The following GNAQ variants were observed in gnomAD, a reference collection of about 807,000 sequenced individuals.
The protein encoded by GNAQ is G protein subunit alpha q.
GNAQ carries 8 observed loss-of-function variants against 43.9 expected under a neutral mutation model. That is an observed-to-expected ratio of 0.18 (90% confidence interval 0.11 to 0.33). The LOEUF is 0.33. Among genes scored for constraint, GNAQ ranks in the 10% least tolerant of loss-of-function variants. The pLI, the probability that GNAQ is intolerant of heterozygous loss-of-function variation, is 1.00. For synonymous variants in GNAQ, 155 were observed against 170.7 expected (o/e 0.91, Z 0.71); for missense variants, 158 against 450.8 (o/e 0.35, Z 5.88).
At chr9:77,910,069 G>A (rs1210398709) in intron 2 of GNAQ, among the ~76,000 whole-genome samples, 3 of 152,080 alleles carry the variant, frequency 2.0e-5, no homozygotes, top group Non-Finnish European at 2.9e-5. Flanking sequence ...ATATAATAAA[G>A]AATAAGACTA....
At chr9:77,899,437 C>CTG (rs927449353) in intron 2 of GNAQ, among the ~76,000 whole-genome samples, 2 of 151,072 alleles carry the variant, frequency 1.3e-5, no homozygotes, top group African/African-American at 4.9e-5. Context: ...GTGTGTGTGT[C>CTG]TGTGTGTGTG....
intron 1 of GNAQ, among the ~76,000 whole-genome samples, chr9:78,002,968 C>A (rs751520848): frequency 6.6e-6 from 1 of 151,966 alleles, no homozygotes; most frequent in Non-Finnish European, 1.5e-5. Context: ...GTAGTTATTT[C>A]ATATTAAAAA....
At chr9:77,791,364 G>A (rs1826569089) in intron 5 of GNAQ, among the ~76,000 whole-genome samples, 1 of 152,206 alleles carries the variant, frequency 6.6e-6, no homozygotes, top group Non-Finnish European at 1.5e-5. Flanking sequence ...CTTATTGTGT[G>A]CTTTGGGCTT....
intron 2 of GNAQ, among the ~76,000 whole-genome samples, chr9:77,827,850 C>G (rs1416447578): frequency 6.6e-6 from 1 of 151,636 alleles, no homozygotes; most frequent in African/African-American, 2.4e-5. Context: ...AGAAATTCAT[C>G]TCTTTTAACC....
chr9:78,016,223 TATAG>T (rs1354475584), intron 1 of GNAQ, among the ~76,000 whole-genome samples: 1 of 152,188 alleles, frequency 6.6e-6, no homozygotes, highest in East Asian at 1.9e-4. Context: ...AAGCAATTCT[TATAG>T]ATAAACTGGA....
At chr9:77,931,155 T>C (rs1189496225) in intron 1 of GNAQ, among the ~76,000 whole-genome samples, 3 of 148,096 alleles carry the variant, frequency 2.0e-5, no homozygotes, top group Admixed American at 6.7e-5. Flanking sequence ...ATGAATGTCA[T>C]TGAGATGCTT....
At chr9:77,917,580 T>A (rs1467806418) in intron 2 of GNAQ, among the ~76,000 whole-genome samples, 2 of 152,190 alleles carry the variant, frequency 1.3e-5, no homozygotes, top group Admixed American at 6.6e-5. Context: ...AAATTCTTTC[T>A]TTTGTAAACT....
At chr9:77,965,851 A>AAAAG (rs1823160083) in intron 1 of GNAQ, among the ~76,000 whole-genome samples, 1 of 151,066 alleles carries the variant, frequency 6.6e-6, no homozygotes. Context: ...AAAAAAAAAA[A>AAAAG]AAAGGCACGT....
At chr9:77,811,665 T>C (rs1370227811) in intron 3 of GNAQ, among the ~76,000 whole-genome samples, 1 of 152,124 alleles carries the variant, frequency 6.6e-6, no homozygotes, top group Non-Finnish European at 1.5e-5. Context: ...CCTATTTCTG[T>C]TGAGAGGTTT....
At chr9:77,937,318 A>T (rs1051158627) in intron 1 of GNAQ, among the ~76,000 whole-genome samples, 6 of 152,004 alleles carry the variant, frequency 3.9e-5, no homozygotes, top group African/African-American at 1.4e-4. Context: ...CATGTCTGTA[A>T]TCCCAGCTAC....
chr9:77,984,049 CAAAAAAAAA>C (rs72279886), intron 1 of GNAQ, among the ~76,000 whole-genome samples: 46 of 67,964 alleles, frequency 6.8e-4, no homozygotes, highest in Admixed American at 1.3e-3. Context: ...TTTTGGAGAG[CAAAAAAAAA>C]AAAAAAAAAA....
intron 2 of GNAQ, among the ~76,000 whole-genome samples, chr9:77,910,842 G>A (rs766168066): frequency 2.2e-4 from 33 of 152,136 alleles, no homozygotes; most frequent in Non-Finnish European, 4.1e-4. Flanking sequence ...CTGGAATTCA[G>A]AGACATTAAT....
At chr9:77,911,668 C>T (rs1206119202) in intron 2 of GNAQ, among the ~76,000 whole-genome samples, 1 of 152,130 alleles carries the variant, frequency 6.6e-6, no homozygotes, top group Non-Finnish European at 1.5e-5. Context: ...AGATAAGAAA[C>T]TCGAAGGGAT....
At chr9:77,804,603 C>T (rs1262463516) in intron 3 of GNAQ, among the ~76,000 whole-genome samples, 1 of 152,168 alleles carries the variant, frequency 6.6e-6, no homozygotes, top group Non-Finnish European at 1.5e-5. Flanking sequence ...TAAGTAGGAA[C>T]AGAAATCTCT....
chr9:77,808,833 C>T (rs901585007), intron 3 of GNAQ, among the ~76,000 whole-genome samples: 5 of 151,870 alleles, frequency 3.3e-5, no homozygotes, highest in African/African-American at 1.2e-4. Context: ...ACGGTCTTAT[C>T]TGCCTTCAAA....
intron 1 of GNAQ, among the ~76,000 whole-genome samples, chr9:78,005,208 G>C (rs1386966227): frequency 6.6e-6 from 1 of 152,080 alleles, no homozygotes; most frequent in Non-Finnish European, 1.5e-5. Context: ...ACCACACCCA[G>C]CTAATTTTTG....
chr9:77,721,359 G>A lies in GNAQ; in HGVS notation c.1044C>T (p.Ile348=), dbSNP rs775004834. ...RFVFAAVKDT[I]LQLNLKEYNL... is the part of the protein sequence containing the mutation. ...TGTACTCCTTCAGGTTCAACTGGAG[G>A]ATGGTGTCCTTGACGGCAGCAAAGA... is the stretch of plus-strand genomic sequence containing the variant. The change falls in exon 7 of 7, where the codon ATC becomes ATT. Residue 348 remains isoleucine (I), a synonymous_variant. Transcript: ENST00000286548. 1 of 1,612,634 alleles carries A rather than the reference G, an allele frequency of 6.2e-7. No homozygotes were observed. Among genetic ancestry groups the A allele is most frequent in the Admixed American group, 1.7e-5 (1 of 59,854 alleles).
At chr9:78,006,211 T>C (rs142150706) in intron 1 of GNAQ, among the ~76,000 whole-genome samples, 1 of 152,324 alleles carries the variant, frequency 6.6e-6, no homozygotes, top group Non-Finnish European at 1.5e-5. Context: ...TTTGTTCTAA[T>C]CTGTCAGTTA....
chr9:77,841,785 T>A (rs1396555329), intron 2 of GNAQ, among the ~76,000 whole-genome samples: 1 of 152,180 alleles, frequency 6.6e-6, no homozygotes, highest in African/African-American at 2.4e-5. Flanking sequence ...CTAGACACCA[T>A]CCTTAATACT....
Sources: allele counts gnomAD v4.1 joint callset (sites outside exome capture counted in the v4.1 genomes callset), GRCh38; gene constraint gnomAD v4.1.1; transcripts MANE v1.5; gene names NCBI Gene and HGNC (gene_info 2026-07-23, HGNC 2026-07-21).